The following KAT2B variants were observed in gnomAD, a reference collection of about 807,000 sequenced individuals.
KAT2B encodes the protein histone acetyltransferase KAT2B.
A neutral mutation model predicts 105.9 loss-of-function variants in KAT2B; 36 were observed. The observed-to-expected ratio is 0.34, with a 90% CI of 0.26 to 0.45. The LOEUF is 0.45. Among genes scored for constraint, KAT2B ranks in the 20% least tolerant of loss-of-function variants. The pLI, the probability that KAT2B is intolerant of heterozygous loss-of-function variation, is 1.00. For missense variants in KAT2B, 820 were observed against 1,021.6 expected (o/e 0.80, Z 2.69); for synonymous variants, 397 against 377.9 (o/e 1.05, Z -0.59).
chr3:20,079,319 T>C (rs9864695), intron 2 of KAT2B, among the ~76,000 whole-genome samples: 117,140 of 151,102 alleles, frequency 0.78, 46,510 homozygotes, highest in East Asian at 0.98. Flanking sequence ...ATTCTCCTGC[T>C]TCAGCCTCCC....
intron 2 of KAT2B, among the ~76,000 whole-genome samples, chr3:20,078,792 A>C (rs1003577379): frequency 1.1e-4 from 17 of 150,248 alleles, no homozygotes; most frequent in Non-Finnish European, 1.9e-4. Context: ...ACAGTAGGGA[A>C]TTTCTTTTCT....
At chr3:20,077,365 G>C (rs1698437588) in intron 2 of KAT2B, among the ~76,000 whole-genome samples, 1 of 152,110 alleles carries the variant, frequency 6.6e-6, no homozygotes, top group Non-Finnish European at 1.5e-5. Context: ...ACCAAGAAAA[G>C]AATTCTAGCT....
chr3:20,074,087 A>T (rs186294058), intron 2 of KAT2B, among the ~76,000 whole-genome samples: 125 of 148,746 alleles, frequency 8.4e-4, no homozygotes, highest in African/African-American at 3.0e-3. Context: ...TCAAGAATGA[A>T]GAATGAAAAA....
At chr3:20,043,313 C>T (rs1697751629) in intron 1 of KAT2B, among the ~76,000 whole-genome samples, 1 of 152,124 alleles carries the variant, frequency 6.6e-6, no homozygotes, top group Admixed American at 6.5e-5. Flanking sequence ...AGAATTTGTC[C>T]TTCAGGAGTT....
intron 1 of KAT2B, among the ~76,000 whole-genome samples, chr3:20,041,745 C>T (rs1207755463): frequency 6.6e-6 from 1 of 152,196 alleles, no homozygotes; most frequent in Non-Finnish European, 1.5e-5. Context: ...GACACACTCA[C>T]ACACACTCAC....
chr3:20,149,631 T>C (rs757532388), intron 17 of KAT2B, among the ~76,000 whole-genome samples: 4 of 151,792 alleles, frequency 2.6e-5, no homozygotes, highest in Non-Finnish European at 5.9e-5. Flanking sequence ...TTCACATGAA[T>C]ATTTTATATA....
Position 20,119,581 on chromosome 3 carries a change from T to C in KAT2B, c.1151-17T>C. 8 of 1,613,786 alleles carry C rather than the reference T, an allele frequency of 5.0e-6. No homozygotes were observed. Among genetic ancestry groups the C allele is most frequent in the Non-Finnish European group, 6.8e-6 (8 of 1,179,756 alleles). On this transcript the variant is annotated splice_polypyrimidine_tract_variant and intron_variant, in intron 7 of 17. Transcript: ENST00000263754. ...GAGTCAGTCATCTAACACCTTCTTC[T>C]CCTTTTGCCGGGGCAGTTATCAATC... is the stretch of plus-strand genomic sequence containing the variant.
chr3:20,050,829 A>T (rs1217625097), intron 1 of KAT2B, among the ~76,000 whole-genome samples: 3 of 151,874 alleles, frequency 2.0e-5, no homozygotes, highest in Admixed American at 1.3e-4. Flanking sequence ...TGAATCTTTA[A>T]CTAAGCTTTT....
At chr3:20,094,725 A>G (rs1698779976) in intron 2 of KAT2B, among the ~76,000 whole-genome samples, 1 of 152,146 alleles carries the variant, frequency 6.6e-6, no homozygotes, top group Admixed American at 6.6e-5. Context: ...GTGAGGTTTT[A>G]GTGTGTCTCA....
At chr3:20,069,242 A>G (rs1261912075) in intron 1 of KAT2B, among the ~76,000 whole-genome samples, 1 of 152,146 alleles carries the variant, frequency 6.6e-6, no homozygotes, top group East Asian at 1.9e-4. Flanking sequence ...ATTTTTAGAG[A>G]AGTGAGAAGA....
intron 13 of KAT2B, among the ~76,000 whole-genome samples, chr3:20,146,045 G>A (rs1031114136): frequency 2.6e-5 from 4 of 152,214 alleles, no homozygotes; most frequent in African/African-American, 9.6e-5. Context: ...CAGATGACAA[G>A]TGGGCCCTAG....
chr3:20,106,959 GTGTATATATATATATATA>G lies in KAT2B; in HGVS notation c.852-4617_852-4600del, dbSNP rs1286397680. 4.5e-3 allele frequency among the ~76,000 whole-genome samples: 218 copies of G among 48,602 alleles called. 2 individuals are homozygous for G. The highest frequency in any genetic ancestry group is 0.019 in the African/African-American group (147 of 7,866). The allele number at this position is 48,602 out of a possible 152,430, so 31.9% of individuals were successfully genotyped here. On this transcript the variant is annotated intron_variant, in intron 5 of 17. Transcript: ENST00000263754. ...TATAAGAAATTATTCTGAATTTTAT[GTGTATATATATATATATA>G]TGTATATATATATATATATATATAT...
chr3:20,151,467 T>A (rs1343437478), intron 17 of KAT2B, among the ~76,000 whole-genome samples: 1 of 152,140 alleles, frequency 6.6e-6, no homozygotes, highest in Non-Finnish European at 1.5e-5. Context: ...ATTTGACTTA[T>A]TTTTCCACAC....
At chr3:20,076,288 A>G (rs1446199336) in intron 2 of KAT2B, among the ~76,000 whole-genome samples, 3 of 152,140 alleles carry the variant, frequency 2.0e-5, no homozygotes, top group African/African-American at 7.2e-5. Context: ...TGAGTTGCTG[A>G]CTGATTTTCT....
At position 20,125,498 on chromosome 3, in the gene KAT2B, AC is replaced by A. The variant is rs1345173518; in HGVS notation, c.1414-406del. 5.3e-5 allele frequency among the ~76,000 whole-genome samples: 8 copies of A among 152,252 alleles called. No homozygotes were observed. The South Asian group carries it at 1.7e-3, about 32-fold the overall frequency. On this transcript the variant is annotated intron_variant, in intron 9 of 17. Coordinates refer to ENST00000263754, the MANE Select transcript of KAT2B (RefSeq NM_003884.5). ...TATTTTTAAATAAAGTTTTATTGGA[AC>A]AGTACTGCACCCATTCTTTAACATA...
intron 4 of KAT2B, among the ~76,000 whole-genome samples, chr3:20,100,198 A>ACATTAAGTAG (rs1698885826): frequency 6.6e-6 from 1 of 152,150 alleles, no homozygotes; most frequent in African/African-American, 2.4e-5. Flanking sequence ...GGGAAGAAAA[A>ACATTAAGTAG]CATTAAGTAG....
At chr3:20,115,208 A>G (rs563995164) in intron 7 of KAT2B, among the ~76,000 whole-genome samples, 3 of 152,360 alleles carry the variant, frequency 2.0e-5, no homozygotes, top group East Asian at 1.9e-4. Context: ...TGTCTGTTTT[A>G]TACATCAAGT....
intron 11 of KAT2B, among the ~76,000 whole-genome samples, chr3:20,128,341 T>C (rs1457146615): frequency 3.9e-5 from 6 of 152,236 alleles, no homozygotes; most frequent in Admixed American, 3.9e-4. Context: ...AAAGATTTCT[T>C]ATGACCTTGT....
intron 5 of KAT2B, among the ~76,000 whole-genome samples, chr3:20,101,680 T>C (rs1338721017): frequency 6.6e-6 from 1 of 152,194 alleles, no homozygotes; most frequent in Non-Finnish European, 1.5e-5. Flanking sequence ...CTATACCCAG[T>C]GTGATAGCCA....
Sources: gnomAD v4.1 joint callset for allele counts (sites outside exome capture counted in the v4.1 genomes callset) on GRCh38, gnomAD v4.1.1 for gene constraint, MANE v1.5 for transcripts, NCBI Gene and HGNC (gene_info 2026-07-23, HGNC 2026-07-21) for gene names.